LRRC36: variants seen among roughly 807,000 people sequenced by gnomAD.
LRRC36 encodes the protein leucine rich repeat containing 36.
Under a neutral mutation model 81.1 loss-of-function variants are expected in LRRC36, and 62 were observed. The ratio of observed to expected loss-of-function variants is 0.76; its 90% confidence interval spans 0.62 to 0.94. LRRC36 has a LOEUF of 0.94. Ranked by LOEUF, LRRC36 falls within the 40% of genes least tolerant of loss-of-function variation. LRRC36 has a pLI of 0.00. For synonymous variants in LRRC36, 334 were observed against 348.6 expected, an observed-to-expected ratio of 0.96 and a Z score of 0.47; for missense variants, 761 against 881.7, an observed-to-expected ratio of 0.86 and a Z score of 1.73.
intron 3 of LRRC36, among the ~76,000 whole-genome samples, chr16:67,346,701 C>A (rs1368173609): frequency 2.0e-5 from 3 of 152,120 alleles, no homozygotes; most frequent in Non-Finnish European, 4.4e-5. Flanking sequence ...CCCCTTCCTC[C>A]TCAACACAAA....
rs576097818 is a variant in LRRC36, at chr16:67,365,651, C to G, written c.754+296C>G. Among the ~76,000 whole-genome samples, 5 of 152,196 alleles carry G rather than the reference C, an allele frequency of 3.3e-5. No individual in the cohort carries two copies. The South Asian group carries it at 8.3e-4, about 25-fold the overall frequency. On this transcript the variant is annotated intron_variant, in intron 7 of 13. Transcript: ENST00000329956. ...TTTTTATTCATCCATTTGTTTCTCT[C>G]TACTGGTTTATAAGTTATATACATT... is the stretch of plus-strand genomic sequence containing the variant.
rs773013152 is a variant in LRRC36 at position 67,327,135 on chromosome 16, T to TG, written c.70+207dup. 1,271 of 486,444 alleles carry TG rather than the reference T, an allele frequency of 2.6e-3. 1 individual carries two copies. The highest frequency in any genetic ancestry group is 3.9e-3 in the Non-Finnish European group (1,126 of 285,270). 30.1% of individuals were successfully genotyped at this position (486,444 alleles called of 1,614,324 possible). A position where few individuals can be genotyped will look rare whatever the true frequency, so the allele number is the denominator to read the frequency against. ...GAGGAACTGAAGTAACGGGAGGGTG[T>TG]GGGGCAGAGCCCGAGGAATTGAGAG... On this transcript the variant is annotated intron_variant, in intron 1 of 13. Coordinates refer to ENST00000329956, the MANE Select transcript of LRRC36 (RefSeq NM_018296.6).
intron 5 of LRRC36, among the ~76,000 whole-genome samples, chr16:67,356,878 A>G (rs2038928552): frequency 6.6e-6 from 1 of 152,232 alleles, no homozygotes; most frequent in Admixed American, 6.5e-5. Context: ...GAAACATATC[A>G]GGAAATTGAC....
chr16:67,363,751 T>C, intron 6 of LRRC36, 37 bp downstream of exon 6: 1 of 1,605,124 alleles, frequency 6.2e-7, no homozygotes, highest in South Asian at 1.1e-5. Flanking sequence ...TGTTGACTAG[T>C]CAATGATTAA....
intron 8 of LRRC36, among the ~76,000 whole-genome samples, chr16:67,368,384 G>T (rs943173184): frequency 6.6e-6 from 1 of 152,184 alleles, no homozygotes; most frequent in Non-Finnish European, 1.5e-5. Context: ...TAGATAGAAT[G>T]GTCCAGAAAG....
intron 5 of LRRC36, chr16:67,362,374 G>A (rs1280880469): frequency 3.1e-6 from 1 of 321,986 alleles, no homozygotes; most frequent in African/African-American, 2.2e-5. Context: ...GGCTGGCCAG[G>A]CTGGTCTCAA....
intron 1 of LRRC36, among the ~76,000 whole-genome samples, chr16:67,335,975 G>A (rs527260696): frequency 8.5e-5 from 13 of 152,220 alleles, no homozygotes; most frequent in Admixed American, 2.6e-4. Flanking sequence ...CAGGTGATCC[G>A]CCCGTCTCGG....
In LRRC36 at chr16:67,367,032, C is replaced by T. The variant is rs774350561; in HGVS notation, c.770C>T (p.Ser257Leu). Residue 257 changes from serine (S) to leucine (L), a missense_variant, in exon 8 of 14, where the codon TCG becomes TTG. Around this residue, in one of 3 missense-constraint regions of LRRC36, gnomAD observed 139 missense variants for 214.0 expected, o/e 0.65. Transcript: ENST00000329956. ...NHQEDEFRHY[S>L]PRQSTVRSPE... ...TGGTGTTTAGAGTTCAGACACTACT[C>T]GCCTCGTCAGTCCACAGTCCGATCC... 2.0e-5 allele frequency: 32 copies of T among 1,607,976 alleles called. No individual in the cohort carries two copies. The highest frequency in any genetic ancestry group is 3.3e-4 in the Middle Eastern group (2 of 6,044).
intron 5 of LRRC36, chr16:67,362,288 G>T: frequency 2.4e-6 from 1 of 423,496 alleles, no homozygotes; most frequent in Non-Finnish European, 4.7e-6. Flanking sequence ...TCAGCCTAGC[G>T]AGCAGCTGGG....
At chr16:67,329,187 G>A (rs898455833) in intron 1 of LRRC36, among the ~76,000 whole-genome samples, 5 of 151,784 alleles carry the variant, frequency 3.3e-5, no homozygotes, top group African/African-American at 4.8e-5. Context: ...GGGATTATAA[G>A]TGCAAGCCAC....
chr16:67,346,600 A>G (rs368217965), intron 3 of LRRC36, 152 bp downstream of exon 3: 129 of 428,928 alleles, frequency 3.0e-4, no homozygotes, highest in African/African-American at 2.0e-3. Flanking sequence ...GGCAGGATGT[A>G]TGACGAGTTC....
intron 5 of LRRC36, among the ~76,000 whole-genome samples, chr16:67,352,254 C>G (rs2038680208): frequency 6.6e-6 from 1 of 152,194 alleles, no homozygotes; most frequent in African/African-American, 2.4e-5. Flanking sequence ...TTGTTTTCCA[C>G]TGAAAATTGT....
At chr16:67,356,681 CAA>C (rs1339695585) in intron 5 of LRRC36, among the ~76,000 whole-genome samples, 1 of 152,126 alleles carries the variant, frequency 6.6e-6, no homozygotes, top group East Asian at 1.9e-4. Context: ...CACTGTGAGA[CAA>C]GAGCTCTACT....
At chr16:67,341,210 C>A (rs150013688) in intron 1 of LRRC36, among the ~76,000 whole-genome samples, 22,347 of 124,562 alleles carry the variant, frequency 0.18, 4,976 homozygotes, top group African/African-American at 0.52. Flanking sequence ...TAATATATGT[C>A]ATTTAATATA....
intron 5 of LRRC36, among the ~76,000 whole-genome samples, chr16:67,357,300 A>C (rs1474403236): frequency 1.3e-5 from 2 of 152,236 alleles, no homozygotes; most frequent in African/African-American, 4.8e-5. Context: ...ATGGGAAAAA[A>C]ACCACCTCAC....
chr16:67,361,154 C>T (rs1290364330), intron 5 of LRRC36, among the ~76,000 whole-genome samples: 1 of 152,128 alleles, frequency 6.6e-6, no homozygotes, highest in Non-Finnish European at 1.5e-5. Context: ...CCTCCCACCT[C>T]AGCCTCCCAA....
chr16:67,327,442 G>A (rs2037245111), intron 1 of LRRC36, among the ~76,000 whole-genome samples: 1 of 152,118 alleles, frequency 6.6e-6, no homozygotes, highest in South Asian at 2.1e-4. Flanking sequence ...GCAGTTAGCC[G>A]AGATCGCACC....
chr16:67,359,184 G>C (rs2039039358), intron 5 of LRRC36, among the ~76,000 whole-genome samples: 1 of 152,152 alleles, frequency 6.6e-6, no homozygotes, highest in Admixed American at 6.6e-5. Context: ...ATATACCTAA[G>C]AGAAATGGAA....
intron 2 of LRRC36, among the ~76,000 whole-genome samples, chr16:67,345,806 C>G (rs1204115509): frequency 6.6e-6 from 1 of 151,778 alleles, no homozygotes; most frequent in Non-Finnish European, 1.5e-5. Flanking sequence ...AACCATGCCC[C>G]TTTCCCCCAG....
Sources: allele counts gnomAD v4.1 joint callset (sites outside exome capture counted in the v4.1 genomes callset), GRCh38; gene constraint gnomAD v4.1.1; regional missense constraint gnomAD v4.1.1; transcripts MANE v1.5; gene names NCBI Gene and HGNC (gene_info 2026-07-23, HGNC 2026-07-21).